CLSTN2: variants seen among roughly 807,000 people sequenced by gnomAD.
CLSTN2 encodes calsyntenin-2.
A neutral mutation model predicts 101.2 loss-of-function variants in CLSTN2; 48 were observed. The observed-to-expected ratio is 0.47, with a 90% CI of 0.38 to 0.60. CLSTN2 has a LOEUF of 0.60. CLSTN2 is among the 20% of genes least tolerant of loss of function. The pLI is 0.00. For synonymous variants in CLSTN2, 481 were observed against 463.6 expected, an observed-to-expected ratio of 1.04 and a Z score of -0.48; for missense variants, 1,160 against 1,238.2, an observed-to-expected ratio of 0.94 and a Z score of 0.95.
intron 5 of CLSTN2, among the ~76,000 whole-genome samples, chr3:140,428,074 A>C (rs947250357): frequency 2.0e-5 from 3 of 152,216 alleles, no homozygotes; most frequent in Non-Finnish European, 4.4e-5. Context: ...GAGCTTAGCC[A>C]CATGTGCCTG....
chr3:140,394,225 A>AGGT (rs397761231), intron 2 of CLSTN2, among the ~76,000 whole-genome samples: 5 of 151,626 alleles, frequency 3.3e-5, no homozygotes, highest in Admixed American at 1.3e-4. Context: ...TGACCATAGG[A>AGGT]CAATGGTTTT....
intron 5 of CLSTN2, among the ~76,000 whole-genome samples, chr3:140,435,457 C>T (rs994432913): frequency 2.0e-5 from 3 of 152,136 alleles, no homozygotes; most frequent in African/African-American, 7.2e-5. Flanking sequence ...TTTGCTGTAT[C>T]CATTTATCTG....
At chr3:140,312,985 TAAG>T (rs2087186553) in intron 2 of CLSTN2, among the ~76,000 whole-genome samples, 1 of 152,216 alleles carries the variant, frequency 6.6e-6, no homozygotes. Context: ...TTTTTGAACA[TAAG>T]AAAACATTTT....
At chr3:140,277,788 C>CTTA (rs2086808798) in intron 2 of CLSTN2, among the ~76,000 whole-genome samples, 1 of 152,100 alleles carries the variant, frequency 6.6e-6, no homozygotes. Context: ...ATTGCACAGT[C>CTTA]TTATTATTCA....
At chr3:140,551,302 C>G (rs371460240) in intron 10 of CLSTN2, among the ~76,000 whole-genome samples, 16 of 152,180 alleles carry the variant, frequency 1.1e-4, no homozygotes, top group African/African-American at 3.6e-4. Flanking sequence ...TCTCTGCTCA[C>G]AGGGACAAGC....
At chr3:140,138,768 A>G (rs1438378758) in intron 1 of CLSTN2, among the ~76,000 whole-genome samples, 2 of 152,180 alleles carry the variant, frequency 1.3e-5, no homozygotes, top group Non-Finnish European at 2.9e-5. Flanking sequence ...CTTCTAGAAA[A>G]GAGGGAGAAA....
At chr3:140,486,244 G>C (rs1934239981) in intron 8 of CLSTN2, among the ~76,000 whole-genome samples, 1 of 150,716 alleles carries the variant, frequency 6.6e-6, no homozygotes, top group Non-Finnish European at 1.5e-5. Context: ...GAAAGGAAGG[G>C]ATATCAGAAT....
Position 140,234,092 on chromosome 3 carries a change from A to C in CLSTN2, c.232+58019A>C, listed in dbSNP as rs72990115. Among the ~76,000 whole-genome samples, 1,391 of 152,352 alleles carry C rather than the reference A, an allele frequency of 9.1e-3. 22 individuals carry two copies. The highest frequency in any genetic ancestry group is 0.032 in the African/African-American group (1,332 of 41,578). Reference sequence around the variant, plus strand: ...AGCTTTGTTCATGAGCATCTGGGCCAACTCAGCCCTGTGCTGCTGAGATTC... The same window carrying C: ...AGCTTTGTTCATGAGCATCTGGGCCCACTCAGCCCTGTGCTGCTGAGATTC... On this transcript the variant is annotated intron_variant, in intron 2 of 16. Transcript: ENST00000458420.
intron 1 of CLSTN2, among the ~76,000 whole-genome samples, chr3:140,071,363 T>G (rs1576416789): frequency 6.6e-6 from 1 of 151,888 alleles, no homozygotes; most frequent in African/African-American, 2.4e-5. Flanking sequence ...AAAAATCCTG[T>G]TCAATACCTT....
At chr3:140,359,405 T>C (rs1272078917) in intron 2 of CLSTN2, among the ~76,000 whole-genome samples, 1 of 152,218 alleles carries the variant, frequency 6.6e-6, no homozygotes, top group African/African-American at 2.4e-5. Context: ...TGAGTCAGCA[T>C]AAAAATAATT....
chr3:140,441,150 C>G (rs567455997), intron 5 of CLSTN2, among the ~76,000 whole-genome samples: 1 of 152,318 alleles, frequency 6.6e-6, no homozygotes, highest in Admixed American at 6.5e-5. Flanking sequence ...ACATTCTTTT[C>G]TGGTTTTGAC....
At chr3:140,020,197 G>T (rs1273642557) in intron 1 of CLSTN2, among the ~76,000 whole-genome samples, 1 of 152,200 alleles carries the variant, frequency 6.6e-6, no homozygotes, top group African/African-American at 2.4e-5. Context: ...ACAAAGAGCA[G>T]GCTGGTAATG....
intron 1 of CLSTN2, among the ~76,000 whole-genome samples, chr3:139,938,098 A>C (rs191013278): frequency 1.4e-3 from 206 of 145,612 alleles, no homozygotes; most frequent in Non-Finnish European, 2.4e-3. Flanking sequence ...CCTGCCTCTG[A>C]CTTTGCCATT....
intron 1 of CLSTN2, among the ~76,000 whole-genome samples, chr3:140,084,013 T>C (rs757663832): frequency 9.9e-5 from 15 of 152,238 alleles, no homozygotes; most frequent in Non-Finnish European, 1.9e-4. Context: ...AGATATTCTT[T>C]ATTGCCTTTA....
At chr3:140,297,821 C>T (rs958352727) in intron 2 of CLSTN2, among the ~76,000 whole-genome samples, 10 of 152,208 alleles carry the variant, frequency 6.6e-5, no homozygotes, top group Non-Finnish European at 1.5e-5. Flanking sequence ...GGGCTTCCAA[C>T]TTCCATCATG....
chr3:139,988,768 G>A (rs1936070454), intron 1 of CLSTN2, among the ~76,000 whole-genome samples: 1 of 152,128 alleles, frequency 6.6e-6, no homozygotes, highest in South Asian at 2.1e-4. Context: ...TATTGGGGAG[G>A]TAAGTATTGC....
chr3:139,998,634 G>A (rs1306584460), intron 1 of CLSTN2, among the ~76,000 whole-genome samples: 1 of 151,990 alleles, frequency 6.6e-6, no homozygotes, highest in East Asian at 1.9e-4. Flanking sequence ...GTGAGCCACC[G>A]TGCCTGGCCA....
intron 2 of CLSTN2, among the ~76,000 whole-genome samples, chr3:140,251,441 C>T (rs2086562653): frequency 6.6e-6 from 1 of 152,072 alleles, no homozygotes; most frequent in Non-Finnish European, 1.5e-5. Flanking sequence ...GTGCTAATTT[C>T]CTTTTCTTGA....
chr3:140,050,521 G>A (rs902689704), intron 1 of CLSTN2, among the ~76,000 whole-genome samples: 8 of 152,176 alleles, frequency 5.3e-5, no homozygotes, highest in African/African-American at 1.9e-4. Context: ...GCAGTTAGTG[G>A]GCCAGCCGAA....
Sources: allele counts gnomAD v4.1 joint callset (sites outside exome capture counted in the v4.1 genomes callset), GRCh38; gene constraint gnomAD v4.1.1; transcripts MANE v1.5; gene names NCBI Gene and HGNC (gene_info 2026-07-23, HGNC 2026-07-21).